The following SYNE2 variants were observed in gnomAD, a reference collection of about 807,000 sequenced individuals.
The protein encoded by SYNE2 is nesprin-2.
A neutral mutation model predicts 856.3 loss-of-function variants in SYNE2; 431 were observed. The observed-to-expected ratio is 0.50, with a 90% CI of 0.47 to 0.55. The LOEUF (loss-of-function observed/expected upper bound fraction) is 0.55. SYNE2 is among the 20% of genes least tolerant of loss of function. SYNE2 has a pLI of 0.00. For missense variants in SYNE2, 8,129 were observed against 8,023.2 expected (o/e 1.01, Z -0.50); for synonymous variants, 2,923 against 2,872.3 (o/e 1.02, Z -0.56).
At chr14:64,050,162 T>G (rs1328073170) in intron 47 of SYNE2, among the ~76,000 whole-genome samples, 1 of 152,130 alleles carries the variant, frequency 6.6e-6, no homozygotes, top group Non-Finnish European at 1.5e-5. Context: ...GAGGACCTGC[T>G]CTCCAGTTCA....
chr14:64,166,887 C>G (rs533998554), intron 90 of SYNE2: 2 of 314,556 alleles, frequency 6.4e-6, no homozygotes, highest in South Asian at 5.7e-5. Context: ...GAGCCGAGAT[C>G]ATGATACTGC....
chr14:63,830,226 G>C (rs1406357000), intron 1 of SYNE2, among the ~76,000 whole-genome samples: 1 of 148,320 alleles, frequency 6.7e-6, no homozygotes, highest in Non-Finnish European at 1.5e-5. Flanking sequence ...GACAGGGAGT[G>C]GGGTAGTGGT....
chr14:64,222,355 G>A (rs2098698481), intron 112 of SYNE2, among the ~76,000 whole-genome samples: 1 of 152,224 alleles, frequency 6.6e-6, no homozygotes, highest in African/African-American at 2.4e-5. Context: ...ATAACCTCAT[G>A]TGGCTTAAAG....
At chr14:64,095,699 G>C (rs1038237024) in intron 61 of SYNE2, among the ~76,000 whole-genome samples, 1 of 152,080 alleles carries the variant, frequency 6.6e-6, no homozygotes, top group African/African-American at 2.4e-5. Flanking sequence ...TTGGCCCTTG[G>C]TATGCAGCAG....
intron 96 of SYNE2, among the ~76,000 whole-genome samples, chr14:64,183,116 G>C (rs1487731163): frequency 7.1e-6 from 1 of 141,280 alleles, no homozygotes; most frequent in South Asian, 2.3e-4. Flanking sequence ...CTCACTTCTC[G>C]GACGGGGCGG....
In SYNE2 at chr14:63,976,527, T is replaced by G. The variant is rs186490983; in HGVS notation, c.1129-36T>G. The G allele has an allele frequency of 3.2e-6, 5 of 1,586,902 alleles. No homozygotes were observed. In the Admixed American group the frequency reaches 5.2e-5, roughly 17 times the overall value. On this transcript the variant is annotated intron_variant, in intron 11 of 115. Coordinates refer to ENST00000555002, the MANE Select transcript of SYNE2 (RefSeq NM_182914.3). ...AAGAAATAAACTAGAAAAGTTCTAC[T>G]GAAGAATATGTTCTTTTTTTTTTTT...
In SYNE2 at chr14:64,075,937, G is replaced by A. The variant is rs761417394; in HGVS notation, c.10867-8G>A. ...TCGTGAGTATTGCAACTCTCTTAATGCTTTTAGGAGCTTCAAAGCATCCTT... is the reference window on the plus strand; with the variant it reads ...TCGTGAGTATTGCAACTCTCTTAATACTTTTAGGAGCTTCAAAGCATCCTT... On this transcript the variant is annotated splice_region_variant and splice_polypyrimidine_tract_variant and intron_variant, in intron 53 of 115. Transcript: ENST00000555002. 6.2e-7 allele frequency: 1 copy of A among 1,613,448 alleles called. No individual in the cohort carries two copies. The highest frequency in any genetic ancestry group is 1.1e-5 in the South Asian group (1 of 91,026).
At chr14:63,923,591 A>G (rs1273236866) in intron 2 of SYNE2, among the ~76,000 whole-genome samples, 3 of 152,246 alleles carry the variant, frequency 2.0e-5, no homozygotes, top group Non-Finnish European at 2.9e-5. Context: ...AAACTCAGAC[A>G]TGGGTCATGT....
intron 100 of SYNE2, among the ~76,000 whole-genome samples, chr14:64,204,707 T>C (rs2098596901): frequency 6.6e-6 from 1 of 152,148 alleles, no homozygotes; most frequent in South Asian, 2.1e-4. Context: ...AAAAAATTAA[T>C]GGAATTGGTG....
chr14:64,211,854 CT>C, intron 103 of SYNE2, 106 bp from the exon 104 acceptor site: 1 of 1,525,130 alleles, frequency 6.6e-7, no homozygotes, highest in Non-Finnish European at 9.1e-7. Context: ...AGATTTCTCC[CT>C]GAGTATTCTG....
intron 85 of SYNE2, among the ~76,000 whole-genome samples, chr14:64,157,212 TCAAAAAGAAACCTCCATACC>T (rs2098293202): frequency 6.6e-6 from 1 of 152,170 alleles, no homozygotes; most frequent in Admixed American, 6.5e-5. Context: ...TTTCATTACC[TCAAAAAGAAACCTCCATACC>T]CATTGGCAGT....
intron 2 of SYNE2, among the ~76,000 whole-genome samples, chr14:63,920,263 G>A (rs1038685481): frequency 6.6e-5 from 10 of 151,702 alleles, no homozygotes; most frequent in Admixed American, 3.9e-4. Context: ...TTGGTACTAC[G>A]GAAGTATGGA....
intron 14 of SYNE2, among the ~76,000 whole-genome samples, chr14:63,979,970 A>T (rs988053760): frequency 6.6e-6 from 1 of 152,324 alleles, no homozygotes; most frequent in African/African-American, 2.4e-5. Flanking sequence ...TATTGTAAAA[A>T]TTTAAAAAAA....
chr14:64,214,058 G>C, intron 105 of SYNE2, 136 bp from the exon 106 acceptor site: 1 of 1,354,966 alleles, frequency 7.4e-7, no homozygotes, highest in Non-Finnish European at 1.0e-6. Flanking sequence ...CTGGGAACCT[G>C]ATCTTTTTAA....
chr14:63,988,357 C>T (rs770317318), intron 19 of SYNE2, among the ~76,000 whole-genome samples: 7 of 152,322 alleles, frequency 4.6e-5, no homozygotes, highest in East Asian at 3.9e-4. Flanking sequence ...GGATTGTAGG[C>T]GTGAGCCACC....
At chr14:64,011,134 A>G (rs1041178544) in intron 32 of SYNE2, among the ~76,000 whole-genome samples, 1 of 46,680 alleles carries the variant, frequency 2.1e-5, no homozygotes, top group Non-Finnish European at 1.0e-4. Flanking sequence ...TGAAGCTCAA[A>G]TGACACCCAG....
At chr14:64,216,077 G>C in intron 107 of SYNE2, 171 bp from the exon 108 acceptor site, 2 of 1,512,604 alleles carry the variant, frequency 1.3e-6, no homozygotes, top group Non-Finnish European at 1.8e-6. Flanking sequence ...CAGTGTTGCT[G>C]AGTTGCATGA....
chr14:64,181,603 A>G (rs2098458457), intron 96 of SYNE2, among the ~76,000 whole-genome samples: 1 of 152,234 alleles, frequency 6.6e-6, no homozygotes, highest in Non-Finnish European at 1.5e-5. Context: ...AAAGATCCCA[A>G]GTAACCCAAA....
At chr14:64,165,222 G>A in intron 89 of SYNE2, 63 bp from the exon 90 acceptor site, 1 of 1,562,008 alleles carries the variant, frequency 6.4e-7, no homozygotes, top group Non-Finnish European at 8.8e-7. Flanking sequence ...TCCCAAGCCT[G>A]TGTTTAATTC....
Sources: gnomAD v4.1 joint callset for allele counts (sites outside exome capture counted in the v4.1 genomes callset) on GRCh38, gnomAD v4.1.1 for gene constraint, MANE v1.5 for transcripts, NCBI Gene and HGNC (gene_info 2026-07-23, HGNC 2026-07-21) for gene names.